CYP7B1: variants seen among roughly 807,000 people sequenced by gnomAD.
The protein encoded by CYP7B1 is cytochrome P450 7B1.
Under a neutral mutation model 42.7 loss-of-function variants are expected in CYP7B1, and 29 were observed. That is an observed-to-expected ratio of 0.68 (90% CI 0.51 to 0.93). CYP7B1 has a LOEUF of 0.93. Among genes scored for constraint, CYP7B1 ranks in the 40% least tolerant of loss-of-function variants. The pLI, the probability that CYP7B1 is intolerant of heterozygous loss-of-function variation, is 0.00. For missense variants in CYP7B1, 655 were observed against 600.5 expected, an observed-to-expected ratio of 1.09 and a Z score of -0.95; for synonymous variants, 235 against 218.2, an observed-to-expected ratio of 1.08 and a Z score of -0.68.
At chr8:64,682,208 C>T (rs1806549036) in intron 1 of CYP7B1, among the ~76,000 whole-genome samples, 1 of 152,168 alleles carries the variant, frequency 6.6e-6, no homozygotes, top group South Asian at 2.1e-4. Flanking sequence ...TAGCTCAACA[C>T]TGCCAGAGTA....
chr8:64,789,237 G>GT lies in CYP7B1; in HGVS notation c.122+9228dup, dbSNP rs534021375. ...GCCACTGTGCCTGGCCATACACTCA[G>GT]TTTTTTTTTAAGCCTAAACTGCTCT... On this transcript the variant is annotated intron_variant, in intron 1 of 5. Coordinates refer to ENST00000310193, the MANE Select transcript of CYP7B1 (RefSeq NM_004820.5). Among the ~76,000 whole-genome samples the GT allele has an allele frequency of 3.4e-4, 51 of 151,438 alleles. No homozygotes were observed. The East Asian group carries it at 3.5e-3, about 10-fold the overall frequency.
rs761235072 is a variant in CYP7B1, at chr8:64,615,982, T to C, written c.559A>G (p.Ile187Val). 2 of 1,613,766 alleles carry C rather than the reference T, an allele frequency of 1.2e-6. No homozygotes were observed. Among genetic ancestry groups the C allele is most frequent in the South Asian group, 2.2e-5 (2 of 91,070 alleles). Residue 187 changes from isoleucine (I) to valine (V), a missense_variant, in exon 3 of 6, where the codon ATA becomes GTA. Transcript: ENST00000310193. ...GTTGTAAATGTGATCTCAAATATTA[T>C]TGAGCTGCAGAATGGATACAGTTCT... Reference protein sequence around the residue: ...TAELYPFCSSIIFEITFTTIY... With the variant: ...TAELYPFCSSVIFEITFTTIY...
chr8:64,755,791 T>A (rs1279755884), intron 1 of CYP7B1, among the ~76,000 whole-genome samples: 1 of 152,196 alleles, frequency 6.6e-6, no homozygotes, highest in Non-Finnish European at 1.5e-5. Flanking sequence ...AATATAAGAA[T>A]AATTTAGTAC....
At chr8:64,786,316 T>G (rs1247966211) in intron 1 of CYP7B1, among the ~76,000 whole-genome samples, 1 of 152,168 alleles carries the variant, frequency 6.6e-6, no homozygotes, top group Non-Finnish European at 1.5e-5. Flanking sequence ...CCTATGAGCC[T>G]GTAAAATTAA....
chr8:64,733,105 G>A (rs1194957743), intron 1 of CYP7B1, among the ~76,000 whole-genome samples: 2 of 152,160 alleles, frequency 1.3e-5, no homozygotes, highest in Non-Finnish European at 2.9e-5. Flanking sequence ...TCTCAGGTAT[G>A]TCTTTATTAG....
intron 1 of CYP7B1, among the ~76,000 whole-genome samples, chr8:64,772,607 C>T (rs1340392817): frequency 6.6e-6 from 1 of 152,182 alleles, no homozygotes; most frequent in Non-Finnish European, 1.5e-5. Context: ...CACAGGCGCA[C>T]ACGCACACAC....
At chr8:64,747,810 C>A (rs1298037550) in intron 1 of CYP7B1, among the ~76,000 whole-genome samples, 1 of 152,162 alleles carries the variant, frequency 6.6e-6, no homozygotes, top group East Asian at 1.9e-4. Flanking sequence ...CTTAACCCAG[C>A]ACCTGGCTAT....
chr8:64,627,843 T>C (rs757505184), intron 1 of CYP7B1, among the ~76,000 whole-genome samples: 1 of 152,222 alleles, frequency 6.6e-6, no homozygotes, highest in African/African-American at 2.4e-5. Context: ...CCATTGAAGA[T>C]AGATAACAGA....
rs187283868 is a variant in CYP7B1, at chr8:64,639,615, T to C, written c.123-15076A>G. Among the ~76,000 whole-genome samples the C allele has an allele frequency of 2.4e-3, 358 of 152,220 alleles. 1 individual carries two copies. Among genetic ancestry groups the C allele is most frequent in the Non-Finnish European group, 3.4e-3 (231 of 67,998 alleles). ...AAAAAAAAGAATGACTATTATCAGG[T>C]GTTAGCAAGGATGAGGAGAAACTGG... On this transcript the variant is annotated intron_variant, in intron 1 of 5. Coordinates refer to ENST00000310193, the MANE Select transcript of CYP7B1 (RefSeq NM_004820.5).
intron 1 of CYP7B1, among the ~76,000 whole-genome samples, chr8:64,750,238 G>A (rs1172086340): frequency 6.6e-6 from 1 of 152,108 alleles, no homozygotes; most frequent in East Asian, 1.9e-4. Flanking sequence ...GAAGTTTCAG[G>A]GATGAAATGA....
intron 1 of CYP7B1, among the ~76,000 whole-genome samples, chr8:64,752,372 TTGTGTG>T (rs562224871): frequency 6.7e-6 from 1 of 149,280 alleles, no homozygotes; most frequent in African/African-American, 2.5e-5. Context: ...GTTAAATAAA[TTGTGTG>T]TGTGTATGTG....
intron 5 of CYP7B1, among the ~76,000 whole-genome samples, chr8:64,602,473 C>A (rs945408074): frequency 6.6e-6 from 1 of 152,158 alleles, no homozygotes; most frequent in African/African-American, 2.4e-5. Context: ...AATTCTGAAA[C>A]CCTGCCTTGT....
intron 1 of CYP7B1, among the ~76,000 whole-genome samples, chr8:64,777,527 T>C (rs1804346843): frequency 6.6e-6 from 1 of 152,096 alleles, no homozygotes; most frequent in African/African-American, 2.4e-5. Flanking sequence ...TGGCATATCA[T>C]GGACCACGTG....
rs370825549 is a variant in CYP7B1, at chr8:64,748,558, G to T, written c.122+49908C>A. Among the ~76,000 whole-genome samples the T allele has an allele frequency of 4.3e-4, 65 of 152,244 alleles. No homozygotes were observed. In the South Asian group the frequency reaches 0.012, roughly 28 times the overall value. On this transcript the variant is annotated intron_variant, in intron 1 of 5. Transcript: ENST00000310193. The stretch of plus-strand genomic sequence containing the variant: ...CACTATTAAAATTCTCTGCTGCTTA[G>T]CCTGCCTCCCACACTCTCCCTTAGC...
chr8:64,626,510 GT>G (rs1251795153), intron 1 of CYP7B1, among the ~76,000 whole-genome samples: 6 of 152,202 alleles, frequency 3.9e-5, no homozygotes, highest in African/African-American at 1.4e-4. Flanking sequence ...CTTTCATAAA[GT>G]TTTTTATTCA....
chr8:64,763,802 G>C (rs967637363), intron 1 of CYP7B1, among the ~76,000 whole-genome samples: 2 of 152,198 alleles, frequency 1.3e-5, no homozygotes, highest in African/African-American at 4.8e-5. Context: ...ATAGCCAGAA[G>C]TCTCTACCCA....
intron 1 of CYP7B1, among the ~76,000 whole-genome samples, chr8:64,694,226 G>A (rs975216250): frequency 6.6e-6 from 1 of 152,194 alleles, no homozygotes; most frequent in Admixed American, 6.5e-5. Context: ...CTCTTGTAGA[G>A]TGAGGTGATT....
At chr8:64,693,977 C>G (rs1806787000) in intron 1 of CYP7B1, among the ~76,000 whole-genome samples, 1 of 152,156 alleles carries the variant, frequency 6.6e-6, no homozygotes, top group Admixed American at 6.5e-5. Context: ...ATTCCCAGAC[C>G]AGTGTGTTTA....
At chr8:64,766,935 G>A (rs1179527694) in intron 1 of CYP7B1, among the ~76,000 whole-genome samples, 3 of 152,096 alleles carry the variant, frequency 2.0e-5, no homozygotes, top group African/African-American at 4.8e-5. Flanking sequence ...CCAGACAACT[G>A]TCCTCCAGAT....
Sources: allele counts gnomAD v4.1 joint callset (sites outside exome capture counted in the v4.1 genomes callset), GRCh38; gene constraint gnomAD v4.1.1; transcripts MANE v1.5; gene names NCBI Gene and HGNC (gene_info 2026-07-23, HGNC 2026-07-21).